TBCD: variants seen among roughly 807,000 people sequenced by gnomAD.
TBCD encodes the protein tubulin folding cofactor D.
In TBCD, 105 loss-of-function variants were observed where a neutral mutation model predicts 169.3. The observed-to-expected ratio is 0.62, with a 90% CI of 0.53 to 0.73. The LOEUF (loss-of-function observed/expected upper bound fraction) is 0.73. TBCD is among the 30% of genes least tolerant of loss of function. The probability of loss-of-function intolerance (pLI) is 0.00; values close to 1 mark genes in which losing one functional copy is unlikely to be tolerated. For synonymous variants in TBCD, 700 were observed against 643.9 expected (o/e 1.09, Z -1.32); for missense variants, 1,444 against 1,600.1 (o/e 0.90, Z 1.66).
intron 14 of TBCD, among the ~76,000 whole-genome samples, chr17:82,883,869 G>A (rs748346270): frequency 7.2e-5 from 11 of 152,314 alleles, no homozygotes; most frequent in Non-Finnish European, 1.2e-4. Context: ...CCCTGTCCTC[G>A]TGGCTCTTTG....
At chr17:82,855,993 C>CTTTTTTTTTTTTTTTT (rs60978063) in intron 13 of TBCD, among the ~76,000 whole-genome samples, 2 of 66,268 alleles carry the variant, frequency 3.0e-5, no homozygotes, top group African/African-American at 7.0e-5. Context: ...TCCCCCCCCA[C>CTTTTTTTTTTTTTTTT]TTTTTTTTTT....
rs1023308582 is a variant in TBCD at position 82,789,491 on chromosome 17, G to A, written c.771+7770G>A. Among the ~76,000 whole-genome samples, 3 of 152,328 alleles carry A rather than the reference G, an allele frequency of 2.0e-5. No homozygotes were observed. The South Asian group carries it at 6.2e-4, about 32-fold the overall frequency. ...TAGATGAGGAAGAGACAGGCAGAGAGCTGGGCTGGGCTGCTGCTGAGTGGG... is the reference window on the plus strand; with the variant it reads ...TAGATGAGGAAGAGACAGGCAGAGAACTGGGCTGGGCTGCTGCTGAGTGGG... On this transcript the variant is annotated intron_variant, in intron 7 of 38. Transcript: ENST00000355528. This position sits in a 1 kb window ranked among gnomAD's most constrained non-coding sequence, Gnocchi z 4.8.
In TBCD at chr17:82,884,984, G is replaced by A. The variant is rs536708323; in HGVS notation, c.1533+782G>A. ...TTGAGAAAGATGGAGGGGTGAGGTT[G>A]GCTTTTGGTGATGGGGTGGGCCCCA... is the stretch of plus-strand genomic sequence containing the variant. On this transcript the variant is annotated intron_variant, in intron 15 of 38. Transcript: ENST00000355528. This position sits in a 1 kb window ranked among gnomAD's most constrained non-coding sequence, Gnocchi z 4.2. 6.6e-6 allele frequency: 1 copy of A among 152,506 alleles called. No individual in the cohort carries two copies. The highest frequency in any genetic ancestry group is 2.4e-5 in the African/African-American group (1 of 41,584). 9.4% of individuals were successfully genotyped at this position (152,506 alleles called of 1,614,324 possible). A position where few individuals can be genotyped will look rare whatever the true frequency, so the allele number is the denominator to read the frequency against.
chr17:82,807,463 T>A (rs2051056367), intron 10 of TBCD, 145 bp from the exon 11 acceptor site: 1 of 469,330 alleles, frequency 2.1e-6, no homozygotes, highest in South Asian at 9.9e-5. Context: ...AAGGAAATGT[T>A]CTTTTCCTGT....
chr17:82,919,878 C>T (rs910203406), intron 23 of TBCD, among the ~76,000 whole-genome samples: 4 of 152,044 alleles, frequency 2.6e-5, no homozygotes, highest in South Asian at 2.1e-4. Flanking sequence ...TCCTTGTTCA[C>T]GGTGACAAAA....
At chr17:82,933,859 C>T (rs1389929022) in intron 34 of TBCD, among the ~76,000 whole-genome samples, 1 of 150,702 alleles carries the variant, frequency 6.6e-6, no homozygotes, top group African/African-American at 2.4e-5. Flanking sequence ...GTGACCTGCC[C>T]ACCTCGGCCT....
intron 14 of TBCD, among the ~76,000 whole-genome samples, chr17:82,873,890 G>A (rs2057780100): frequency 6.6e-6 from 1 of 152,216 alleles, no homozygotes; most frequent in South Asian, 2.1e-4. Context: ...AACCTTCAGG[G>A]CTGGACTCCT....
rs760036958 is a variant in TBCD at position 82,801,013 on chromosome 17, C to T, written c.950+17C>T. The T allele has an allele frequency of 2.9e-5, 28 of 954,026 alleles. No individual in the cohort carries two copies. Among genetic ancestry groups the T allele is most frequent in the East Asian group, 1.3e-4 (2 of 15,844 alleles). The allele number at this position is 954,026 out of a possible 1,614,324, so 59.1% of individuals were successfully genotyped here. ...AGCATGGAGGTAGGCACCATGAGGG[C>T]GGTGCCTGGGGAGGGCCACGGGGTG... is the stretch of plus-strand genomic sequence containing the variant. On this transcript the variant is annotated intron_variant, in intron 9 of 38. Transcript: ENST00000355528.
chr17:82,938,937 G>A (rs1022620744), intron 36 of TBCD: 2 of 235,472 alleles, frequency 8.5e-6, no homozygotes, highest in East Asian at 3.2e-4. Context: ...TTAATAGAGA[G>A]CAGGTGAGAG....
In TBCD at chr17:82,905,943, G is replaced by A. The variant is rs768483291; in HGVS notation, c.1812G>A (p.Pro604=). Residue 604 remains proline (P), a synonymous_variant, in exon 20 of 39, where the codon CCG becomes CCA. Transcript: ENST00000355528. ...CGGCCCTGTCTCTTGCAGTCTTCCCGAGGCTGCTGTCCATGACACTGAGTC... is the reference window on the plus strand; with the variant it reads ...CGGCCCTGTCTCTTGCAGTCTTCCCAAGGCTGCTGTCCATGACACTGAGTC... ...APEFSATQVF[P]RLLSMTLSPD... 7.4e-6 allele frequency: 12 copies of A among 1,611,118 alleles called. No individual in the cohort carries two copies. Among genetic ancestry groups the A allele is most frequent in the South Asian group, 1.1e-5 (1 of 90,378 alleles).
rs1444495209 is a variant in TBCD at position 82,833,812 on chromosome 17, C to T, written c.1318+18878C>T. Among the ~76,000 whole-genome samples the T allele has an allele frequency of 2.0e-5, 3 of 152,118 alleles. No individual in the cohort carries two copies. The highest frequency in any genetic ancestry group is 2.9e-5 in the Non-Finnish European group (2 of 68,034). On this transcript the variant is annotated intron_variant, in intron 13 of 38. Transcript: ENST00000355528. This position sits in a 1 kb window ranked among gnomAD's most constrained non-coding sequence, Gnocchi z 4.7. ...GCCACACCCACTCAGGTCCTGGGAC[C>T]CACCAGAGGCTGTGTGTGTGATGTC...
chr17:82,920,433 G>T lies in TBCD; in HGVS notation c.2039-123G>T, dbSNP rs752971135. 1.3e-6 allele frequency: 1 copy of T among 785,054 alleles called. No individual in the cohort carries two copies. The highest frequency in any genetic ancestry group is 2.7e-5 in the East Asian group (1 of 37,606). 48.6% of individuals were successfully genotyped at this position (785,054 alleles called of 1,614,324 possible). ...TGTTTCCAGCCCTGGCAGCAGGGTAGGTTGGGCGGGTGAGGGGCAGGAGCT... is the reference window on the plus strand; with the variant it reads ...TGTTTCCAGCCCTGGCAGCAGGGTATGTTGGGCGGGTGAGGGGCAGGAGCT... On this transcript the variant is annotated intron_variant, in intron 23 of 38. Transcript: ENST00000355528. The surrounding 1 kb of genome is among the most constrained non-coding windows in gnomAD (Gnocchi z 4.1).
Position 82,822,345 on chromosome 17 carries a change from G to A in TBCD, c.1318+7411G>A, listed in dbSNP as rs566244225. ...TTAAGAAAATACAAAAGGGCGGTGA[G>A]ATCCTCAGTGATGGGGCCAACCAGT... On this transcript the variant is annotated intron_variant, in intron 13 of 38. Transcript: ENST00000355528. Among the ~76,000 whole-genome samples, 4 of 152,370 alleles carry A rather than the reference G, an allele frequency of 2.6e-5. No homozygotes were observed. The East Asian group carries it at 7.7e-4, about 29-fold the overall frequency.
intron 28 of TBCD, chr17:82,926,824 C>A: frequency 2.0e-6 from 1 of 500,522 alleles, no homozygotes; most frequent in Non-Finnish European, 3.6e-6. Flanking sequence ...CCTGGGGCCA[C>A]GCCATATGCC....
chr17:82,819,013 G>A (rs1567831630), intron 13 of TBCD, among the ~76,000 whole-genome samples: 2 of 152,122 alleles, frequency 1.3e-5, no homozygotes, highest in South Asian at 2.1e-4. Flanking sequence ...AACCGAGATC[G>A]CACCACTGCA....
rs1323894211 is a variant in TBCD, at chr17:82,752,191, G to C, written c.-3G>C. On this transcript the variant is annotated 5_prime_UTR_variant, in exon 1 of 39. Transcript: ENST00000355528. Reference sequence around the variant, plus strand: ...GCGGGGGCGCGGTCCCCAGGCTGCCGAGATGGCCCTGAGCGACGAACCGGC... The same window carrying C: ...GCGGGGGCGCGGTCCCCAGGCTGCCCAGATGGCCCTGAGCGACGAACCGGC... 18 of 1,517,246 alleles carry C rather than the reference G, an allele frequency of 1.2e-5. No homozygotes were observed. The highest frequency in any genetic ancestry group is 2.7e-5 in the East Asian group (1 of 36,682). 94.0% of individuals were successfully genotyped at this position (1,517,246 alleles called of 1,614,324 possible). A position where few individuals can be genotyped will look rare whatever the true frequency, so the allele number is the denominator to read the frequency against.
At chr17:82,821,996 G>A (rs929398026) in intron 13 of TBCD, among the ~76,000 whole-genome samples, 2 of 152,216 alleles carry the variant, frequency 1.3e-5, no homozygotes, top group Admixed American at 6.5e-5. Flanking sequence ...CGCTCTCAGT[G>A]TTCATCGAAG....
At chr17:82,891,461 C>G (rs529608617) in intron 16 of TBCD, among the ~76,000 whole-genome samples, 1 of 152,238 alleles carries the variant, frequency 6.6e-6, no homozygotes, top group Non-Finnish European at 1.5e-5. Flanking sequence ...TGAAGAGACA[C>G]AGACTTTGAA....
intron 13 of TBCD, among the ~76,000 whole-genome samples, chr17:82,828,636 G>A (rs918071142): frequency 3.3e-5 from 5 of 149,920 alleles, no homozygotes; most frequent in Non-Finnish European, 7.4e-5. Flanking sequence ...CCACACAATC[G>A]AATGCGCACA....
Sources: allele counts gnomAD v4.1 joint callset (sites outside exome capture counted in the v4.1 genomes callset), GRCh38; gene constraint gnomAD v4.1.1; non-coding constraint Gnocchi (gnomAD v3.1); transcripts MANE v1.5; gene names NCBI Gene and HGNC (gene_info 2026-07-23, HGNC 2026-07-21).